OPRM1: variants seen among roughly 807,000 people sequenced by gnomAD.
OPRM1 encodes mu-type opioid receptor.
OPRM1 carries 27 observed loss-of-function variants against 31.8 expected under a neutral mutation model. The observed-to-expected ratio is 0.85, with a 90% confidence interval of 0.63 to 1.17. The LOEUF (loss-of-function observed/expected upper bound fraction) is 1.17. Among genes scored for constraint, OPRM1 ranks in the 50% most tolerant of loss-of-function variants. The pLI, the probability that OPRM1 is intolerant of heterozygous loss-of-function variation, is 0.00. For synonymous variants in OPRM1, 196 were observed against 189.9 expected (o/e 1.03, Z -0.26); for missense variants, 536 against 511.1 (o/e 1.05, Z -0.47).
At chr6:154,217,468 G>C (rs1327773876) in intron 3 of OPRM1, 1 of 150,014 alleles carries the variant, frequency 6.7e-6, no homozygotes, top group Non-Finnish European at 1.5e-5. Context: ...AGAAACTGAA[G>C]AAACAAAAGC....
At chr6:154,102,759 G>T (rs550731954) in intron 3 of OPRM1, among the ~76,000 whole-genome samples, 24 of 152,206 alleles carry the variant, frequency 1.6e-4, no homozygotes, top group Admixed American at 1.1e-3. Context: ...GTTTAATTTT[G>T]TTCAATAGCT....
At chr6:154,041,803 TC>T (rs1166191105) in intron 1 of OPRM1, among the ~76,000 whole-genome samples, 1 of 152,194 alleles carries the variant, frequency 6.6e-6, no homozygotes, top group Admixed American at 6.5e-5. Flanking sequence ...CATCTAGGAA[TC>T]CTGCCATCTG....
intron 1 of OPRM1, among the ~76,000 whole-genome samples, chr6:154,055,737 G>A (rs1286899438): frequency 6.6e-6 from 1 of 152,132 alleles, no homozygotes; most frequent in Admixed American, 6.5e-5. Context: ...CTAAGGACAG[G>A]CAACTGCAAC....
At chr6:154,214,190 A>C (rs370223002) in intron 3 of OPRM1, 1 of 1,483,144 alleles carries the variant, frequency 6.7e-7, no homozygotes, top group Non-Finnish European at 9.4e-7. Context: ...TTCTTGCTAA[A>C]TTTTCAGAAA....
chr6:154,109,055 G>C (rs966308604), intron 3 of OPRM1: 6 of 984,422 alleles, frequency 6.1e-6, no homozygotes, highest in Non-Finnish European at 7.2e-6. Context: ...GAATTCTAGT[G>C]TCTAGAACCA....
rs200398791 is a variant in OPRM1 at position 154,118,705 on chromosome 6, C to T, written c.1187C>T (p.Thr396Ile). 6.2e-6 allele frequency: 10 copies of T among 1,613,292 alleles called. No individual in the cohort carries two copies. The highest frequency in any genetic ancestry group is 1.3e-5 in the African/African-American group (1 of 75,030). ...NHQLENLEAE[T>I]APLP is the part of the protein sequence containing the mutation. ...CAGCTAGAAAATCTGGAAGCAGAAA[C>T]TGCTCCGTTGCCCTAACAGGGTCTC... Residue 396 changes from threonine (T) to isoleucine (I), a missense_variant, in exon 4 of 4, where the codon ACT (threonine) becomes ATT (isoleucine). By Grantham distance (89) the Thr-to-Ile change is moderately conservative. Transcript: ENST00000330432.
intron 1 of OPRM1, among the ~76,000 whole-genome samples, chr6:154,013,073 A>T (rs1308612131): frequency 6.6e-6 from 1 of 152,170 alleles, no homozygotes; most frequent in African/African-American, 2.4e-5. Context: ...AATTTGTTTC[A>T]TAATATTTAT....
At chr6:154,200,749 A>G (rs912955558) in intron 3 of OPRM1, among the ~76,000 whole-genome samples, 2 of 152,168 alleles carry the variant, frequency 1.3e-5, no homozygotes, top group Admixed American at 6.5e-5. Context: ...CAAAAGCTGG[A>G]GCCATTCCAG....
chr6:154,112,635 G>C (rs999713992), intron 3 of OPRM1, among the ~76,000 whole-genome samples: 3 of 152,180 alleles, frequency 2.0e-5, no homozygotes, highest in African/African-American at 7.2e-5. Context: ...AAGAAATCAG[G>C]GTGAGAAGAT....
At chr6:154,098,822 T>A (rs1387645286) in intron 3 of OPRM1, among the ~76,000 whole-genome samples, 1 of 152,192 alleles carries the variant, frequency 6.6e-6, no homozygotes, top group Admixed American at 6.5e-5. Flanking sequence ...GAACAAAATT[T>A]GTCTTATTGA....
At position 154,014,465 on chromosome 6, in the gene OPRM1, A is replaced by G. The variant is rs969828027; in HGVS notation, c.-1+3447A>G. Among the ~76,000 whole-genome samples the G allele has an allele frequency of 1.6e-4, 24 of 152,244 alleles. 1 individual carries two copies. Among genetic ancestry groups the G allele is most frequent in the Admixed American group, 1.2e-3 (19 of 15,290 alleles). ...TTAAGAGCCATAGACAATGAGAGGA[A>G]TTGATAAATTGGACATGCAGGATCA... On this transcript the variant is annotated intron_variant, in intron 1 of 5. Coordinates refer to the OPRM1 transcript ENST00000434900.
upstream of OPRM1, among the ~76,000 whole-genome samples, chr6:154,037,237 C>T (rs1419531552): frequency 6.6e-6 from 1 of 151,898 alleles, no homozygotes; most frequent in Admixed American, 6.6e-5. Flanking sequence ...GCTCCTATCA[C>T]AGCACCTGGT....
chr6:154,216,391 T>A (rs1275247362), intron 3 of OPRM1, among the ~76,000 whole-genome samples: 1 of 152,158 alleles, frequency 6.6e-6, no homozygotes, highest in Non-Finnish European at 1.5e-5. Flanking sequence ...CCTTTGAAAT[T>A]ACAAATTTCC....
chr6:154,167,831 A>C (rs1208770312), intron 3 of OPRM1: 2 of 979,476 alleles, frequency 2.0e-6, no homozygotes, highest in Non-Finnish European at 3.0e-6. Flanking sequence ...CCACACAAAC[A>C]TGCTGTGATT....
At chr6:154,209,672 AT>A (rs1161779702) in intron 3 of OPRM1, among the ~76,000 whole-genome samples, 4 of 150,860 alleles carry the variant, frequency 2.7e-5, no homozygotes, top group Non-Finnish European at 4.4e-5. Flanking sequence ...GTTACTATAT[AT>A]TTTTTTTATT....
At chr6:154,224,305 T>C (rs1057085669) in intron 3 of OPRM1, among the ~76,000 whole-genome samples, 16 of 152,372 alleles carry the variant, frequency 1.1e-4, no homozygotes, top group African/African-American at 3.8e-4. Context: ...TGCATTCTTT[T>C]CTTCAGAAAA....
At chr6:154,175,892 T>C (rs895659170) in intron 3 of OPRM1, among the ~76,000 whole-genome samples, 2 of 152,082 alleles carry the variant, frequency 1.3e-5, no homozygotes, top group African/African-American at 2.4e-5. Flanking sequence ...TAGGCCAATA[T>C]CCCTGATGAA....
At chr6:154,067,045 T>C (rs889104710) in intron 1 of OPRM1, among the ~76,000 whole-genome samples, 1 of 152,148 alleles carries the variant, frequency 6.6e-6, no homozygotes, top group East Asian at 1.9e-4. Flanking sequence ...ATTGTAGTGA[T>C]CTGATTATTG....
chr6:154,138,106 A>C (rs908012574), intron 3 of OPRM1, among the ~76,000 whole-genome samples: 1 of 152,238 alleles, frequency 6.6e-6, no homozygotes, highest in Non-Finnish European at 1.5e-5. Context: ...TGAGCTTTCA[A>C]GTCACACTGA....
Sources: allele counts gnomAD v4.1 joint callset (sites outside exome capture counted in the v4.1 genomes callset), GRCh38; gene constraint gnomAD v4.1.1; transcripts MANE v1.5; gene names NCBI Gene and HGNC (gene_info 2026-07-23, HGNC 2026-07-21).